Variants in IMMP2L observed in about 807,000 individuals in gnomAD.
IMMP2L encodes the protein inner mitochondrial membrane peptidase subunit 2, also known as mitochondrial inner membrane protease subunit 2.
In IMMP2L, 18 loss-of-function variants were observed where a neutral mutation model predicts 19.3. That is an observed-to-expected ratio of 0.93 (90% CI 0.64 to 1.38). The LOEUF is 1.38. Among genes scored for constraint, IMMP2L ranks in the 40% most tolerant of loss-of-function variants. The pLI is 0.00. For synonymous variants in IMMP2L, 76 were observed against 73.0 expected, an observed-to-expected ratio of 1.04 and a Z score of -0.21; for missense variants, 233 against 218.2, an observed-to-expected ratio of 1.07 and a Z score of -0.43.
chr7:111,411,340 G>C, intron 3 of IMMP2L: 1 of 402,936 alleles, frequency 2.5e-6, no homozygotes, highest in South Asian at 2.0e-5. Flanking sequence ...CCAGGACCTA[G>C]CCAAAGCCCA....
intron 5 of IMMP2L, among the ~76,000 whole-genome samples, chr7:110,696,176 T>C (rs948488563): frequency 2.6e-5 from 4 of 152,188 alleles, no homozygotes; most frequent in Non-Finnish European, 5.9e-5. Context: ...GCAGTAAGGC[T>C]GGCAAGGAGG....
intron 3 of IMMP2L, among the ~76,000 whole-genome samples, chr7:111,054,932 A>G (rs1793357866): frequency 6.6e-6 from 1 of 152,320 alleles, no homozygotes; most frequent in Admixed American, 6.5e-5. Context: ...GAAAACCAAA[A>G]TACAGCAATA....
chr7:111,269,650 T>TA (rs202047841), intron 3 of IMMP2L, among the ~76,000 whole-genome samples: 1,893 of 151,142 alleles, frequency 0.013, 49 homozygotes, highest in African/African-American at 0.042. Context: ...CAGTTTTTTT[T>TA]AAAAAAAAAC....
intron 5 of IMMP2L, among the ~76,000 whole-genome samples, chr7:110,747,379 A>T (rs1265869352): frequency 1.3e-5 from 2 of 152,212 alleles, no homozygotes; most frequent in Non-Finnish European, 2.9e-5. Context: ...AAAAAGAGGG[A>T]ATCCTTCCTA....
intron 2 of IMMP2L, among the ~76,000 whole-genome samples, chr7:111,516,926 T>C (rs1490191696): frequency 4.6e-5 from 7 of 152,064 alleles, no homozygotes; most frequent in Admixed American, 2.6e-4. Context: ...TGCCAGCTTG[T>C]GCCCAGTATC....
intron 3 of IMMP2L, among the ~76,000 whole-genome samples, chr7:111,104,869 G>C (rs1798371580): frequency 6.6e-6 from 1 of 151,636 alleles, no homozygotes; most frequent in African/African-American, 2.4e-5. Flanking sequence ...TAGAACAGTG[G>C]GGAAGACAGA....
At chr7:111,343,680 T>C (rs1827254268) in intron 3 of IMMP2L, among the ~76,000 whole-genome samples, 2 of 151,964 alleles carry the variant, frequency 1.3e-5, no homozygotes, top group African/African-American at 4.8e-5. Context: ...AAGATATCAA[T>C]GCCAGCCCCA....
At chr7:111,377,433 C>T (rs1227342046) in intron 3 of IMMP2L, among the ~76,000 whole-genome samples, 1 of 151,770 alleles carries the variant, frequency 6.6e-6, no homozygotes, top group Non-Finnish European at 1.5e-5. Flanking sequence ...GTATAGTATC[C>T]CTCTATAATA....
At chr7:110,745,010 G>T (rs886910995) in intron 5 of IMMP2L, among the ~76,000 whole-genome samples, 1 of 152,090 alleles carries the variant, frequency 6.6e-6, no homozygotes, top group Admixed American at 6.5e-5. Flanking sequence ...CTTGAAAAAA[G>T]GTTAAACGAA....
chr7:110,832,682 A>G (rs551566651), intron 5 of IMMP2L, among the ~76,000 whole-genome samples: 72 of 152,194 alleles, frequency 4.7e-4, no homozygotes, highest in Non-Finnish European at 8.7e-4. Context: ...CATAGTGATA[A>G]TAATAAAAAG....
rs971657767 is a variant in IMMP2L at position 111,259,395 on chromosome 7, G to A, written c.239+227843C>T. ...CATGACTGTAATCCCAAAACTTTGGGAAGCCAAGGCAAGAGGATCACTCGA... is the reference window on the plus strand; with the variant it reads ...CATGACTGTAATCCCAAAACTTTGGAAAGCCAAGGCAAGAGGATCACTCGA... On this transcript the variant is annotated intron_variant, in intron 3 of 5. Transcript: ENST00000405709. 5.3e-5 allele frequency among the ~76,000 whole-genome samples: 8 copies of A among 152,146 alleles called. 1 individual carries two copies. In the South Asian group the frequency reaches 1.7e-3, roughly 32 times the overall value.
intron 3 of IMMP2L, among the ~76,000 whole-genome samples, chr7:110,993,911 C>G (rs1191129221): frequency 6.6e-6 from 1 of 152,048 alleles, no homozygotes; most frequent in African/African-American, 2.4e-5. Context: ...GTCCCCTCTG[C>G]CCATCTGAAG....
At chr7:111,231,791 C>G (rs1024418384) in intron 3 of IMMP2L, among the ~76,000 whole-genome samples, 1 of 150,842 alleles carries the variant, frequency 6.6e-6, no homozygotes, top group African/African-American at 2.5e-5. Context: ...TCATAAAAAA[C>G]TCTATAAGTG....
intron 3 of IMMP2L, among the ~76,000 whole-genome samples, chr7:111,300,404 G>C (rs1822095543): frequency 6.6e-6 from 1 of 151,930 alleles, no homozygotes; most frequent in Non-Finnish European, 1.5e-5. Context: ...TTTTTATTTT[G>C]AGATAATTGT....
At chr7:111,302,523 C>T (rs1822376817) in intron 3 of IMMP2L, among the ~76,000 whole-genome samples, 1 of 152,088 alleles carries the variant, frequency 6.6e-6, no homozygotes, top group African/African-American at 2.4e-5. Flanking sequence ...TGTGTGCAGG[C>T]ACATGCGGGC....
At chr7:111,411,600 C>T (rs1834437382) in intron 3 of IMMP2L, 1 of 302,590 alleles carries the variant, frequency 3.3e-6, no homozygotes. Context: ...GAGGACTTCA[C>T]TATGGATCGG....
At chr7:110,882,299 T>G (rs562126418) in intron 5 of IMMP2L, among the ~76,000 whole-genome samples, 43 of 96,200 alleles carry the variant, frequency 4.5e-4, no homozygotes, top group African/African-American at 1.3e-3. Flanking sequence ...CTTCCTTCCT[T>G]CCTTCCTTCC....
intron 3 of IMMP2L, among the ~76,000 whole-genome samples, chr7:111,181,487 T>C (rs565075552): frequency 2.0e-5 from 3 of 152,014 alleles, no homozygotes; most frequent in Non-Finnish European, 4.4e-5. Context: ...AACAAATGGG[T>C]AAATCCTGTA....
intron 5 of IMMP2L, among the ~76,000 whole-genome samples, chr7:110,821,845 C>T (rs966904588): frequency 1.3e-5 from 2 of 152,086 alleles, no homozygotes; most frequent in Admixed American, 6.6e-5. Flanking sequence ...ATCGCTTGAA[C>T]CCAGTAGGTG....
Sources: allele counts gnomAD v4.1 joint callset (sites outside exome capture counted in the v4.1 genomes callset), GRCh38; gene constraint gnomAD v4.1.1; transcripts MANE v1.5; gene names NCBI Gene and HGNC (gene_info 2026-07-23, HGNC 2026-07-21).